GNB1: variants seen among roughly 807,000 people sequenced by gnomAD.
The protein encoded by GNB1 is G protein subunit beta 1.
A neutral mutation model predicts 42.9 loss-of-function variants in GNB1; 2 were observed. That is an observed-to-expected ratio of 0.05 (90% CI 0.02 to 0.15). GNB1 has a LOEUF of 0.15. Ranked by LOEUF, GNB1 falls within the 10% of genes least tolerant of loss-of-function variation. The pLI, the probability that GNB1 is intolerant of heterozygous loss-of-function variation, is 1.00. For synonymous variants in GNB1, 183 were observed against 174.7 expected, an observed-to-expected ratio of 1.05 and a Z score of -0.38; for missense variants, 193 against 462.2, an observed-to-expected ratio of 0.42 and a Z score of 5.34.
chr1:1,814,650 A>G (rs556457599), intron 5 of GNB1, among the ~76,000 whole-genome samples: 4 of 152,016 alleles, frequency 2.6e-5, no homozygotes, highest in Admixed American at 2.6e-4. Context: ...AAACCAAAAA[A>G]TATTAGCCAG....
chr1:1,798,923 C>G (rs1237619080), intron 7 of GNB1, among the ~76,000 whole-genome samples: 2 of 122,138 alleles, frequency 1.6e-5, no homozygotes, highest in Non-Finnish European at 3.9e-5. Flanking sequence ...CTCACAAACA[C>G]TCTTTTTTTT....
intron 1 of GNB1, among the ~76,000 whole-genome samples, chr1:1,855,939 G>A (rs12125422): frequency 0.14 from 21,698 of 152,202 alleles, 1,825 homozygotes; most frequent in Middle Eastern, 0.3. Flanking sequence ...GGGAGCTCAG[G>A]GCAGGGCCCT....
intron 1 of GNB1, among the ~76,000 whole-genome samples, chr1:1,872,401 G>T (rs1389493137): frequency 6.6e-6 from 1 of 152,194 alleles, no homozygotes; most frequent in Non-Finnish European, 1.5e-5. Flanking sequence ...TGCACCATCT[G>T]CACGAGGACC....
chr1:1,834,453 C>A lies in GNB1; in HGVS notation c.-47+4737G>T, dbSNP rs145879412. Among the ~76,000 whole-genome samples, 548 of 152,228 alleles carry A rather than the reference C, an allele frequency of 3.6e-3. 6 individuals are homozygous for A. The highest frequency in any genetic ancestry group is 0.012 in the African/African-American group (511 of 41,520). ...GCACAAAATCTAGCACATACTAGGA[C>A]AATTGGAAATCATTCAATAGATACA... On this transcript the variant is annotated intron_variant, in intron 2 of 11. Coordinates refer to ENST00000378609, the MANE Select transcript of GNB1 (RefSeq NM_002074.5).
chr1:1,872,682 C>CT lies in GNB1; in HGVS notation c.-96+18137dup, dbSNP rs537416442. On this transcript the variant is annotated intron_variant, in intron 1 of 11. Coordinates refer to ENST00000378609, the MANE Select transcript of GNB1 (RefSeq NM_002074.5). ...CCTTCTCATCCTTCAGGCCTTTACT[C>CT]TAAATACCCTAAACAATACCCTAAA... Among the ~76,000 whole-genome samples, 56 of 152,202 alleles carry CT rather than the reference C, an allele frequency of 3.7e-4. No individual in the cohort carries two copies. In the South Asian group the frequency reaches 0.011, roughly 31 times the overall value.
intron 5 of GNB1, among the ~76,000 whole-genome samples, chr1:1,814,597 T>TGAGACCA (rs759293314): frequency 8.2e-4 from 125 of 151,958 alleles, no homozygotes; most frequent in Non-Finnish European, 1.4e-3. Flanking sequence ...GCCAGGAGTT[T>TGAGACCA]GAGACCAGTG....
At chr1:1,845,305 G>A (rs1453587209) in intron 1 of GNB1, among the ~76,000 whole-genome samples, 1 of 152,212 alleles carries the variant, frequency 6.6e-6, no homozygotes, top group African/African-American at 2.4e-5. Context: ...CGGGTGCGGT[G>A]GCTCACGCCT....
At chr1:1,889,880 C>T (rs1416773834) in intron 1 of GNB1, among the ~76,000 whole-genome samples, 1 of 152,056 alleles carries the variant, frequency 6.6e-6, no homozygotes. Context: ...CACTCCCCAC[C>T]CCCACCCCGC....
chr1:1,797,524 C>T (rs996172793), intron 7 of GNB1, among the ~76,000 whole-genome samples: 9 of 152,088 alleles, frequency 5.9e-5, no homozygotes, highest in African/African-American at 1.4e-4. Flanking sequence ...CTGCAACCTC[C>T]GCCACCCCGG....
rs149927489 is a variant in GNB1 at position 1,847,319 on chromosome 1, G to A, written c.-95-8081C>T. Among the ~76,000 whole-genome samples the A allele has an allele frequency of 2.2e-5, 3 of 138,538 alleles. No individual in the cohort carries two copies. The East Asian group carries it at 5.8e-4, about 27-fold the overall frequency. The allele number at this position is 138,538 out of a possible 152,430, so 90.9% of individuals were successfully genotyped here. A position where few individuals can be genotyped will look rare whatever the true frequency, so the allele number is the denominator to read the frequency against. On this transcript the variant is annotated intron_variant, in intron 1 of 11. Coordinates refer to ENST00000378609, the MANE Select transcript of GNB1 (RefSeq NM_002074.5). ...CAACAAAATCCCTTTTTCTGGACTG[G>A]TTCCATCGATGTTCTTTGTCTGCAG... is the stretch of plus-strand genomic sequence containing the variant.
intron 1 of GNB1, among the ~76,000 whole-genome samples, chr1:1,862,925 A>C (rs1427855277): frequency 6.6e-6 from 1 of 152,204 alleles, no homozygotes; most frequent in African/African-American, 2.4e-5. Context: ...GTGGTGCTGA[A>C]GTCCACACAA....
At chr1:1,837,382 G>C (rs943256212) in intron 2 of GNB1, among the ~76,000 whole-genome samples, 3 of 151,402 alleles carry the variant, frequency 2.0e-5, no homozygotes, top group African/African-American at 7.3e-5. Context: ...GGCCTCCTGA[G>C]TAGCTGGGAC....
At chr1:1,843,021 C>G (rs557704837) in intron 1 of GNB1, among the ~76,000 whole-genome samples, 2 of 152,180 alleles carry the variant, frequency 1.3e-5, no homozygotes. Context: ...TGGCAGCATG[C>G]CAGTAGTGCT....
At chr1:1,876,520 C>T (rs896623005) in intron 1 of GNB1, among the ~76,000 whole-genome samples, 1 of 117,466 alleles carries the variant, frequency 8.5e-6, no homozygotes, top group African/African-American at 3.4e-5. Context: ...AGAGAGCGAG[C>T]GTGCATGGCC....
chr1:1,868,722 G>A (rs554682806), intron 1 of GNB1, among the ~76,000 whole-genome samples: 1 of 152,138 alleles, frequency 6.6e-6, no homozygotes, highest in East Asian at 2.0e-4. Context: ...GGAGGTTGCA[G>A]TGAGCCGAGA....
At chr1:1,870,914 G>C (rs1449402997) in intron 1 of GNB1, among the ~76,000 whole-genome samples, 1 of 152,092 alleles carries the variant, frequency 6.6e-6, no homozygotes, top group African/African-American at 2.4e-5. Flanking sequence ...CTGGGCGACA[G>C]AGACTCCATC....
chr1:1,843,762 C>T (rs918466958), intron 1 of GNB1, among the ~76,000 whole-genome samples: 2 of 152,142 alleles, frequency 1.3e-5, no homozygotes, highest in Non-Finnish European at 2.9e-5. Flanking sequence ...AACCCTAAAC[C>T]AGTAGCACTA....
chr1:1,875,681 C>G (rs1042986794), intron 1 of GNB1, among the ~76,000 whole-genome samples: 1 of 152,098 alleles, frequency 6.6e-6, no homozygotes, highest in African/African-American at 2.4e-5. Flanking sequence ...GCCCCTTTTT[C>G]TATGTAAATT....
chr1:1,859,763 C>T (rs1450605823), intron 1 of GNB1, among the ~76,000 whole-genome samples: 1 of 151,722 alleles, frequency 6.6e-6, no homozygotes, highest in Non-Finnish European at 1.5e-5. Context: ...AATCCCAGCA[C>T]TTTGGGAGGC....
Sources: allele counts gnomAD v4.1 joint callset (sites outside exome capture counted in the v4.1 genomes callset), GRCh38; gene constraint gnomAD v4.1.1; transcripts MANE v1.5; gene names NCBI Gene and HGNC (gene_info 2026-07-23, HGNC 2026-07-21).